MCTP1: variants seen among roughly 807,000 people sequenced by gnomAD.
MCTP1 encodes the protein multiple C2 and transmembrane domain-containing protein 1.
A neutral mutation model predicts 120.6 loss-of-function variants in MCTP1; 69 were observed. That is an observed-to-expected ratio of 0.57 (90% CI 0.47 to 0.70). The LOEUF is 0.70. MCTP1 is among the 30% of genes least tolerant of loss of function. The pLI, the probability that MCTP1 is intolerant of heterozygous loss-of-function variation, is 0.00. For synonymous variants in MCTP1, 529 were observed against 493.1 expected, an observed-to-expected ratio of 1.07 and a Z score of -0.96; for missense variants, 1,203 against 1,248.8, an observed-to-expected ratio of 0.96 and a Z score of 0.55.
At position 94,727,470 on chromosome 5, in the gene MCTP1, T is replaced by A. The variant is rs539697767; in HGVS notation, c.2611-12584A>T. On this transcript the variant is annotated intron_variant, in intron 19 of 22. Transcript: ENST00000515393. ...AAAGATGGACTGTGACTGGAATCAA[T>A]TTCATCATTTGTATGGTTACAATTG... Among the ~76,000 whole-genome samples, 15 of 152,352 alleles carry A rather than the reference T, an allele frequency of 9.8e-5. No individual in the cohort carries two copies. The East Asian group carries it at 2.7e-3, about 27-fold the overall frequency.
chr5:95,251,033 C>G (rs554436284), intron 1 of MCTP1, among the ~76,000 whole-genome samples: 18 of 152,134 alleles, frequency 1.2e-4, no homozygotes, highest in African/African-American at 4.3e-4. Context: ...CAAAGAAAGC[C>G]CATGCTCTCA....
intron 1 of MCTP1, among the ~76,000 whole-genome samples, chr5:95,106,130 C>G (rs1017411665): frequency 2.6e-5 from 4 of 152,336 alleles, no homozygotes; most frequent in African/African-American, 9.6e-5. Context: ...TTCTGGGGAA[C>G]CATCACACCA....
chr5:95,142,319 C>T lies in MCTP1; in HGVS notation c.721-124835G>A, dbSNP rs143296845. The stretch of plus-strand genomic sequence containing the variant: ...TTATGATACGTCTCTATTGTTTTTA[C>T]TAATTTGAGCTGTCTGCCAAGAAAT... On this transcript the variant is annotated intron_variant, in intron 1 of 22. Coordinates refer to ENST00000515393, the MANE Select transcript of MCTP1 (RefSeq NM_024717.7). 9.2e-4 allele frequency among the ~76,000 whole-genome samples: 140 copies of T among 152,216 alleles called. No individual in the cohort carries two copies. In the East Asian group the frequency reaches 9.3e-3, roughly 10 times the overall value.
chr5:94,705,918 T>G lies in MCTP1; in HGVS notation c.*1578A>C, dbSNP rs1417829072. 6.6e-6 allele frequency: 1 copy of G among 151,650 alleles called. No individual in the cohort carries two copies. The highest frequency in any genetic ancestry group is 2.4e-5 in the African/African-American group (1 of 41,388). 9.4% of individuals were successfully genotyped at this position (151,650 alleles called of 1,614,324 possible). A position where few individuals can be genotyped will look rare whatever the true frequency, so the allele number is the denominator to read the frequency against. Reference sequence around the variant, plus strand: ...TAAAGCATGTTGAGGTCAAAGCCTTTCTGTAGAAAGGGAATTTAATTGACA... The same window carrying G: ...TAAAGCATGTTGAGGTCAAAGCCTTGCTGTAGAAAGGGAATTTAATTGACA... On this transcript the variant is annotated 3_prime_UTR_variant, in exon 23 of 23. Transcript: ENST00000515393.
intron 1 of MCTP1, among the ~76,000 whole-genome samples, chr5:95,157,633 A>G (rs906089253): frequency 3.3e-4 from 50 of 152,308 alleles, no homozygotes; most frequent in African/African-American, 1.2e-3. Context: ...ATACCATTAA[A>G]AATACTGGGA....
chr5:94,944,756 T>C (rs942588251), intron 3 of MCTP1, among the ~76,000 whole-genome samples: 12 of 152,184 alleles, frequency 7.9e-5, no homozygotes, highest in African/African-American at 2.9e-4. Context: ...AAGGAAACAC[T>C]AGAATCCATG....
intron 2 of MCTP1, among the ~76,000 whole-genome samples, chr5:94,981,292 C>T (rs1829358499): frequency 6.6e-6 from 1 of 152,132 alleles, no homozygotes; most frequent in African/African-American, 2.4e-5. Context: ...TCTTTTTATG[C>T]CTTCTGTCTT....
intron 21 of MCTP1, 104 bp from the exon 22 acceptor site, chr5:94,708,713 GT>G (rs1050764462): frequency 1.6e-6 from 1 of 639,422 alleles, no homozygotes; most frequent in Non-Finnish European, 2.8e-6. Context: ...AATACACCCA[GT>G]TTTTTCCCCC....
chr5:94,829,818 T>G (rs568063130), intron 17 of MCTP1, among the ~76,000 whole-genome samples: 57 of 152,316 alleles, frequency 3.7e-4, no homozygotes, highest in Non-Finnish European at 7.3e-4. Context: ...TTCTGAACTC[T>G]CAGAATGAGT....
chr5:95,030,989 G>C (rs1581930609), intron 1 of MCTP1, among the ~76,000 whole-genome samples: 1 of 150,416 alleles, frequency 6.6e-6, no homozygotes, highest in Non-Finnish European at 1.5e-5. Context: ...GAATAGAAAA[G>C]TTCACTAAAA....
At chr5:95,114,303 T>C (rs1468824219) in intron 1 of MCTP1, among the ~76,000 whole-genome samples, 1 of 152,156 alleles carries the variant, frequency 6.6e-6, no homozygotes, top group Non-Finnish European at 1.5e-5. Context: ...TCTTGCACAT[T>C]AGGTATTCGT....
At chr5:94,910,219 T>C (rs916954628) in intron 9 of MCTP1, among the ~76,000 whole-genome samples, 3 of 151,490 alleles carry the variant, frequency 2.0e-5, no homozygotes, top group East Asian at 1.9e-4. Context: ...CATATATGTG[T>C]ATACATATAT....
chr5:94,996,058 G>A (rs1232543298), intron 2 of MCTP1, among the ~76,000 whole-genome samples: 1 of 152,138 alleles, frequency 6.6e-6, no homozygotes, highest in East Asian at 1.9e-4. Context: ...AAACAGTTGA[G>A]CAACTTAAAT....
chr5:94,786,887 T>C (rs769141709), intron 18 of MCTP1, among the ~76,000 whole-genome samples: 9 of 152,198 alleles, frequency 5.9e-5, no homozygotes, highest in Non-Finnish European at 1.3e-4. Context: ...AGAACAAATT[T>C]GTCCAGCTTC....
chr5:94,792,885 A>C (rs1294888107), intron 18 of MCTP1: 1 of 152,256 alleles, frequency 6.6e-6, no homozygotes, highest in East Asian at 1.9e-4. Context: ...TAGAGTTACC[A>C]GATGAATATA....
chr5:95,234,999 T>G (rs969540048), intron 1 of MCTP1, among the ~76,000 whole-genome samples: 1 of 152,056 alleles, frequency 6.6e-6, no homozygotes, highest in African/African-American at 2.4e-5. Flanking sequence ...AGCCATTATT[T>G]CCCTGATAAA....
chr5:94,716,661 G>C (rs1035487863), intron 19 of MCTP1, among the ~76,000 whole-genome samples: 1 of 151,970 alleles, frequency 6.6e-6, no homozygotes, highest in African/African-American at 2.4e-5. Flanking sequence ...ATGTCTTTCA[G>C]CTCAAAATTA....
chr5:94,719,051 T>C (rs539623427), intron 19 of MCTP1, among the ~76,000 whole-genome samples: 30 of 152,082 alleles, frequency 2.0e-4, no homozygotes, highest in African/African-American at 6.3e-4. Context: ...AACAAACTTA[T>C]GAAAAAAAGC....
intron 19 of MCTP1, among the ~76,000 whole-genome samples, chr5:94,761,025 C>T (rs1462913829): frequency 6.6e-6 from 1 of 152,170 alleles, no homozygotes; most frequent in Admixed American, 6.5e-5. Context: ...CTTCTAAATC[C>T]TATGATAAAC....
Sources: gnomAD v4.1 joint callset for allele counts (sites outside exome capture counted in the v4.1 genomes callset) on GRCh38, gnomAD v4.1.1 for gene constraint, MANE v1.5 for transcripts, NCBI Gene and HGNC (gene_info 2026-07-23, HGNC 2026-07-21) for gene names.